Variants in SLC38A6 observed in about 807,000 individuals in gnomAD.
The protein encoded by SLC38A6 is solute carrier family 38 member 6.
A neutral mutation model predicts 65.0 loss-of-function variants in SLC38A6; 73 were observed. The observed-to-expected ratio is 1.12, with a 90% confidence interval of 0.93 to 1.37. SLC38A6 has a LOEUF of 1.37. Ranked by LOEUF, SLC38A6 falls within the 40% of genes most tolerant of loss-of-function variation. The probability of loss-of-function intolerance (pLI) is 0.00; values close to 1 mark genes in which losing one functional copy is unlikely to be tolerated. For synonymous variants in SLC38A6, 183 were observed against 178.8 expected (o/e 1.02, Z -0.19); for missense variants, 561 against 531.1 (o/e 1.06, Z -0.55).
chr14:60,985,970 CAT>C (rs989574200), intron 3 of SLC38A6, among the ~76,000 whole-genome samples: 1 of 152,210 alleles, frequency 6.6e-6, no homozygotes, highest in Admixed American at 6.5e-5. Flanking sequence ...AAAACTCACT[CAT>C]TACCCCAAGG....
chr14:61,082,458 G>A (rs1487003018), intron 16 of SLC38A6, among the ~76,000 whole-genome samples: 1 of 152,062 alleles, frequency 6.6e-6, no homozygotes, highest in African/African-American at 2.4e-5. Flanking sequence ...CTTTTCATTG[G>A]CCACCTCTTA....
intron 4 of SLC38A6, among the ~76,000 whole-genome samples, chr14:61,017,712 G>C (rs2040103655): frequency 6.6e-6 from 1 of 152,130 alleles, no homozygotes; most frequent in Non-Finnish European, 1.5e-5. Context: ...GGACTGCTGA[G>C]AGTCTTCTTT....
chr14:61,081,939 G>A (rs2043668605), intron 16 of SLC38A6, among the ~76,000 whole-genome samples: 1 of 152,098 alleles, frequency 6.6e-6, no homozygotes, highest in African/African-American at 2.4e-5. Context: ...TCTGTGGAAC[G>A]TGGTATCGGT....
intron 5 of SLC38A6, among the ~76,000 whole-genome samples, chr14:61,025,714 T>G (rs940865152): frequency 1.1e-4 from 16 of 152,316 alleles, no homozygotes; most frequent in Middle Eastern, 3.4e-3. Flanking sequence ...TACATTTTTT[T>G]CTAGGGTCAT....
chr14:60,986,876 G>A (rs1445720230), intron 3 of SLC38A6, among the ~76,000 whole-genome samples: 2 of 152,070 alleles, frequency 1.3e-5, no homozygotes, highest in African/African-American at 2.4e-5. Flanking sequence ...TCGGTTATGT[G>A]GGAGTAGTAT....
intron 6 of SLC38A6, chr14:61,033,911 GT>G (rs1169886536): frequency 1.3e-5 from 2 of 152,148 alleles, no homozygotes. Flanking sequence ...AGAATTTAAA[GT>G]TCAATCCTAT....
rs372327223 is a variant in SLC38A6 at position 61,062,443 on chromosome 14, GC to G, written c.1290+10310del. 1.6e-4 allele frequency among the ~76,000 whole-genome samples: 24 copies of G among 150,804 alleles called. No homozygotes were observed. The East Asian group carries it at 2.9e-3, about 18-fold the overall frequency. On this transcript the variant is annotated intron_variant, in intron 15 of 16. Coordinates refer to the SLC38A6 transcript ENST00000354886. Reference sequence around the variant, plus strand: ...TGAGCATCTTTTCATATGCATATTTGCCATCTGTTTATTTTCTTTGGTAAAG... The same window carrying G: ...TGAGCATCTTTTCATATGCATATTTGCATCTGTTTATTTTCTTTGGTAAAG...
intron 5 of SLC38A6, among the ~76,000 whole-genome samples, chr14:61,028,824 G>T (rs1433042923): frequency 6.6e-6 from 1 of 152,152 alleles, no homozygotes; most frequent in Non-Finnish European, 1.5e-5. Flanking sequence ...AAAAAAAATT[G>T]AGAGTGTATG....
chr14:61,074,005 A>G (rs1188493343), intron 15 of SLC38A6: 2 of 152,102 alleles, frequency 1.3e-5, no homozygotes, highest in Admixed American at 1.3e-4. Context: ...AGCTTACTTT[A>G]TTGTAAGAAA....
intron 3 of SLC38A6, among the ~76,000 whole-genome samples, chr14:61,002,467 C>G (rs929337721): frequency 6.6e-6 from 1 of 152,168 alleles, no homozygotes; most frequent in Admixed American, 6.5e-5. Context: ...GTCCCTCAAC[C>G]CAGATCCAAA....
intron 15 of SLC38A6, among the ~76,000 whole-genome samples, chr14:61,063,822 T>C (rs1277394970): frequency 2.0e-5 from 3 of 152,202 alleles, no homozygotes; most frequent in Non-Finnish European, 4.4e-5. Flanking sequence ...TCTATAAGCC[T>C]CCATGTTCAC....
intron 5 of SLC38A6, among the ~76,000 whole-genome samples, chr14:61,027,307 G>A (rs902201564): frequency 2.0e-5 from 3 of 152,070 alleles, no homozygotes; most frequent in Non-Finnish European, 2.9e-5. Flanking sequence ...TTTTGGCTTT[G>A]GTGGTTTGGG....
intron 15 of SLC38A6, among the ~76,000 whole-genome samples, chr14:61,068,520 C>T (rs2043107822): frequency 6.6e-6 from 1 of 152,192 alleles, no homozygotes; most frequent in South Asian, 2.1e-4. Context: ...TGTTCCCTCA[C>T]ACTTACTGTT....
rs745884770 is a variant in SLC38A6 at position 61,052,400 on chromosome 14, CTCA to C, written c.1347_1349del (p.Ile450del). 4 of 1,579,942 alleles carry C rather than the reference CTCA, an allele frequency of 2.5e-6. No homozygotes were observed. Among genetic ancestry groups the C allele is most frequent in the South Asian group, 2.4e-5 (2 of 83,120 alleles). On this transcript the variant is annotated inframe_deletion, in exon 16 of 16. Coordinates refer to ENST00000267488, the MANE Select transcript of SLC38A6 (RefSeq NM_153811.3). ...TTTGGTTGGGAATTTTAGTTTAGCA[CTCA>C]TCATTTTTGATTGGATTAATAAATA...
At chr14:60,990,997 C>G (rs1270867224) in intron 3 of SLC38A6, among the ~76,000 whole-genome samples, 1 of 152,182 alleles carries the variant, frequency 6.6e-6, no homozygotes, top group African/African-American at 2.4e-5. Flanking sequence ...AATTAATAAT[C>G]TGATAATTTT....
chr14:61,080,599 G>GTTT (rs1594805726), intron 16 of SLC38A6, among the ~76,000 whole-genome samples: 1 of 152,342 alleles, frequency 6.6e-6, no homozygotes, highest in East Asian at 1.9e-4. Context: ...AGTCGAAGTG[G>GTTT]TTTGATTTGC....
intron 3 of SLC38A6, among the ~76,000 whole-genome samples, chr14:60,992,853 T>TC (rs568616415): frequency 0.016 from 2,404 of 146,854 alleles, 31 homozygotes; most frequent in Non-Finnish European, 0.027. Context: ...CCTCCAAACT[T>TC]TTTTTTTTTT....
chr14:61,037,727 T>C, intron 8 of SLC38A6, 44 bp downstream of exon 8: 3 of 1,300,766 alleles, frequency 2.3e-6, no homozygotes, highest in African/African-American at 1.5e-5. Flanking sequence ...TCACTAAAAT[T>C]GGACTCATTG....
chr14:60,995,131 A>C (rs59394592), intron 3 of SLC38A6, among the ~76,000 whole-genome samples: 82 of 152,310 alleles, frequency 5.4e-4, no homozygotes, highest in Middle Eastern at 3.4e-3. Flanking sequence ...TTCTGGGTTT[A>C]TACCCAAAGG....
Sources: allele counts gnomAD v4.1 joint callset (sites outside exome capture counted in the v4.1 genomes callset), GRCh38; gene constraint gnomAD v4.1.1; transcripts MANE v1.5; gene names NCBI Gene and HGNC (gene_info 2026-07-23, HGNC 2026-07-21).